UBR3: variants seen among roughly 807,000 people sequenced by gnomAD.
The protein encoded by UBR3 is E3 ubiquitin-protein ligase UBR3.
Under a neutral mutation model 243.2 loss-of-function variants are expected in UBR3, and 85 were observed. The ratio of observed to expected loss-of-function variants is 0.35; its 90% CI spans 0.29 to 0.42. The LOEUF (loss-of-function observed/expected upper bound fraction) is 0.42. Among genes scored for constraint, UBR3 ranks in the 10% least tolerant of loss-of-function variants. The probability of loss-of-function intolerance (pLI) is 1.00; values close to 1 mark genes in which losing one functional copy is unlikely to be tolerated. For synonymous variants in UBR3, 748 were observed against 799.8 expected (o/e 0.94, Z 1.09); for missense variants, 1,686 against 2,300.8 (o/e 0.73, Z 5.47).
Position 170,063,368 on chromosome 2 carries a change from A to C in UBR3, c.5019+1925A>C, listed in dbSNP as rs191189276. Among the ~76,000 whole-genome samples the C allele has an allele frequency of 5.3e-5, 8 of 152,282 alleles. No homozygotes were observed. In the East Asian group the frequency reaches 5.8e-4, roughly 11 times the overall value. Reference sequence around the variant, plus strand: ...AGATTGAGGGATAGTTGGACCCTTTAGGCGGACCTGTTCAACTGAAGTGAG... The same window carrying C: ...AGATTGAGGGATAGTTGGACCCTTTCGGCGGACCTGTTCAACTGAAGTGAG... On this transcript the variant is annotated intron_variant, in intron 35 of 38. Transcript: ENST00000272793.
chr2:170,079,972 A>C lies in UBR3; in HGVS notation c.5358A>C (p.Val1786=), dbSNP rs1467630081. Residue 1786 remains valine (V), a synonymous_variant, in exon 37 of 39, where the codon GTA becomes GTC. Coordinates refer to ENST00000272793, the MANE Select transcript of UBR3 (RefSeq NM_172070.4). The part of the protein sequence containing the change: ...PAVCLVCGTF[V]CLKGLCCKQQ... The stretch of plus-strand genomic sequence containing the variant: ...TTTGCCTTGTGTGTGGTACTTTTGT[A>C]TGCCTGAAAGGACTTTGCTGCAAGC... 1 of 1,614,078 alleles carries C rather than the reference A, an allele frequency of 6.2e-7. No homozygotes were observed. The highest frequency in any genetic ancestry group is 1.7e-5 in the Admixed American group (1 of 60,016).
intron 26 of UBR3, among the ~76,000 whole-genome samples, chr2:169,999,048 C>T (rs1574368118): frequency 2.0e-5 from 3 of 152,318 alleles, no homozygotes; most frequent in Admixed American, 2.0e-4. Context: ...TGTTATCCTG[C>T]ATTTTTTGAC....
chr2:170,041,452 T>A (rs2090966796), intron 32 of UBR3, among the ~76,000 whole-genome samples: 1 of 152,168 alleles, frequency 6.6e-6, no homozygotes, highest in Non-Finnish European at 1.5e-5. Context: ...CCTTAGTGCC[T>A]TTATCTATGT....
chr2:169,975,051 G>A (rs2088362328), intron 24 of UBR3, among the ~76,000 whole-genome samples: 1 of 152,028 alleles, frequency 6.6e-6, no homozygotes, highest in Non-Finnish European at 1.5e-5. Context: ...CATGCCTGTA[G>A]TACAGCTACT....
chr2:169,943,988 GGT>G (rs962253067), intron 20 of UBR3, among the ~76,000 whole-genome samples: 22 of 152,012 alleles, frequency 1.4e-4, no homozygotes, highest in African/African-American at 5.3e-4. Context: ...ATTTTGGACA[GGT>G]GCCTCAAAAA....
intron 2 of UBR3, among the ~76,000 whole-genome samples, chr2:169,873,291 C>A (rs1480941263): frequency 6.6e-6 from 1 of 152,054 alleles, no homozygotes; most frequent in Admixed American, 6.6e-5. Context: ...GTGAGCAAAC[C>A]ATTATACTTC....
At chr2:169,851,155 C>T (rs926919591) in intron 1 of UBR3, among the ~76,000 whole-genome samples, 25 of 152,234 alleles carry the variant, frequency 1.6e-4, no homozygotes, top group Admixed American at 7.2e-4. Context: ...GACAGGGTCT[C>T]GTTCTGTTGC....
chr2:169,912,178 A>G (rs1214255990), intron 10 of UBR3, among the ~76,000 whole-genome samples: 1 of 151,972 alleles, frequency 6.6e-6, no homozygotes. Context: ...CTGCACTTAC[A>G]CATTATACGT....
rs1191761689 is a variant in UBR3, at chr2:169,856,330, G to A, written c.546-15906G>A. 4.0e-5 allele frequency among the ~76,000 whole-genome samples: 6 copies of A among 150,460 alleles called. No homozygotes were observed. In the South Asian group the frequency reaches 8.5e-4, roughly 21 times the overall value. On this transcript the variant is annotated intron_variant, in intron 1 of 38. Transcript: ENST00000272793. Reference sequence around the variant, plus strand: ...TAGACGGGATGATGGCCGGGAAGAGGCACTCCTCACTTCCCAGACTGGGCA... The same window carrying A: ...TAGACGGGATGATGGCCGGGAAGAGACACTCCTCACTTCCCAGACTGGGCA...
intron 24 of UBR3, among the ~76,000 whole-genome samples, chr2:169,975,083 T>C (rs1280086073): frequency 6.6e-6 from 1 of 152,020 alleles, no homozygotes; most frequent in South Asian, 2.1e-4. Context: ...GGTGGGAGGA[T>C]TGCTTGATCC....
intron 1 of UBR3, among the ~76,000 whole-genome samples, chr2:169,853,777 T>A (rs926726892): frequency 3.0e-5 from 1 of 33,290 alleles, no homozygotes; most frequent in Non-Finnish European, 1.1e-4. Flanking sequence ...AGGGACTTCG[T>A]TTTTTTTTTG....
chr2:170,054,867 A>G (rs2105442217), intron 32 of UBR3, among the ~76,000 whole-genome samples: 1 of 152,286 alleles, frequency 6.6e-6, no homozygotes, highest in Non-Finnish European at 1.5e-5. Flanking sequence ...AGCTATTCCA[A>G]GGTTGAATGG....
intron 36 of UBR3, among the ~76,000 whole-genome samples, chr2:170,079,164 T>C (rs1436100342): frequency 6.6e-6 from 1 of 152,218 alleles, no homozygotes; most frequent in Non-Finnish European, 1.5e-5. Flanking sequence ...GCCAGTATTT[T>C]TATACAGCTG....
chr2:169,878,435 C>A, intron 4 of UBR3, 90 bp from the exon 5 acceptor site: 2 of 1,300,628 alleles, frequency 1.5e-6, no homozygotes, highest in Non-Finnish European at 2.1e-6. Flanking sequence ...CAAAACTTAG[C>A]TTTTTGATAT....
chr2:169,920,697 TTGTC>T (rs2085663902), intron 11 of UBR3, among the ~76,000 whole-genome samples: 1 of 152,160 alleles, frequency 6.6e-6, no homozygotes, highest in Non-Finnish European at 1.5e-5. Flanking sequence ...TACTCCCAGA[TTGTC>T]TGTGAATGTC....
rs1472642674 is a variant in UBR3, at chr2:170,082,452, A to G, written c.*609A>G. 6.6e-6 allele frequency: 1 copy of G among 152,548 alleles called. No homozygotes were observed. The highest frequency in any genetic ancestry group is 1.5e-5 in the Non-Finnish European group (1 of 68,024). 9.4% of individuals were successfully genotyped at this position (152,548 alleles called of 1,614,324 possible). A position where few individuals can be genotyped will look rare whatever the true frequency, so the allele number is the denominator to read the frequency against. On this transcript the variant is annotated 3_prime_UTR_variant, in exon 39 of 39. Coordinates refer to ENST00000272793, the MANE Select transcript of UBR3 (RefSeq NM_172070.4). The stretch of plus-strand genomic sequence containing the variant: ...AACTGAATTCATTCTCAGGAATTTC[A>G]TAAATCTTCTCCCCAGGTAAATAAT...
chr2:169,943,877 T>C (rs2086686140), intron 20 of UBR3, among the ~76,000 whole-genome samples: 1 of 152,156 alleles, frequency 6.6e-6, no homozygotes, highest in South Asian at 2.1e-4. Context: ...TTCTTAATCT[T>C]ATAATGAAAT....
intron 11 of UBR3, among the ~76,000 whole-genome samples, chr2:169,922,786 C>A (rs967580303): frequency 1.3e-5 from 2 of 151,202 alleles, no homozygotes; most frequent in Admixed American, 6.6e-5. Flanking sequence ...ACTTTCCTTT[C>A]TTTTTATGGA....
intron 22 of UBR3, chr2:169,949,391 A>C: frequency 2.3e-6 from 1 of 435,346 alleles, no homozygotes; most frequent in East Asian, 3.8e-5. Context: ...GTTACTGCTG[A>C]TGATCTCCTC....
Sources: gnomAD v4.1 joint callset for allele counts (sites outside exome capture counted in the v4.1 genomes callset) on GRCh38, gnomAD v4.1.1 for gene constraint, MANE v1.5 for transcripts, NCBI Gene and HGNC (gene_info 2026-07-23, HGNC 2026-07-21) for gene names.